PRKCE: variants seen among roughly 807,000 people sequenced by gnomAD.
The protein encoded by PRKCE is protein kinase C epsilon type.
Under a neutral mutation model 85.4 loss-of-function variants are expected in PRKCE, and 16 were observed. That is an observed-to-expected ratio of 0.19 (90% confidence interval 0.13 to 0.28). PRKCE has a LOEUF of 0.28. PRKCE is among the 10% of genes least tolerant of loss of function. The pLI is 1.00. For synonymous variants in PRKCE, 388 were observed against 371.5 expected, an observed-to-expected ratio of 1.04 and a Z score of -0.51; for missense variants, 573 against 975.2, an observed-to-expected ratio of 0.59 and a Z score of 5.49.
chr2:46,169,662 T>C (rs1217330722), intron 14 of PRKCE, among the ~76,000 whole-genome samples: 1 of 152,180 alleles, frequency 6.6e-6, no homozygotes, highest in African/African-American at 2.4e-5. Flanking sequence ...AACCAGACCC[T>C]GACCTAGGAC....
intron 1 of PRKCE, among the ~76,000 whole-genome samples, chr2:45,778,210 G>A (rs1264730102): frequency 1.3e-5 from 2 of 152,172 alleles, no homozygotes; most frequent in African/African-American, 4.8e-5. Flanking sequence ...AGGTGGCAAA[G>A]TTTAGACTTT....
chr2:46,017,678 A>G (rs540952163), intron 10 of PRKCE, among the ~76,000 whole-genome samples: 1 of 152,320 alleles, frequency 6.6e-6, no homozygotes, highest in Admixed American at 6.5e-5. Flanking sequence ...ACAGTGCACC[A>G]GGGTTCTGAT....
intron 1 of PRKCE, among the ~76,000 whole-genome samples, chr2:45,769,414 T>C (rs1685145965): frequency 6.6e-6 from 1 of 152,174 alleles, no homozygotes; most frequent in Admixed American, 6.5e-5. Context: ...TATGTACATA[T>C]CTGCATCTGT....
chr2:45,794,852 C>G (rs1301499739), intron 1 of PRKCE, among the ~76,000 whole-genome samples: 4 of 151,366 alleles, frequency 2.6e-5, no homozygotes, highest in Admixed American at 6.6e-5. Context: ...CCTACCCCCC[C>G]CCCCATCCAC....
chr2:45,966,723 C>G (rs974839950), intron 2 of PRKCE, among the ~76,000 whole-genome samples: 2 of 152,094 alleles, frequency 1.3e-5, no homozygotes, highest in East Asian at 3.9e-4. Flanking sequence ...TGACAGTTTT[C>G]CCGGTCCTAA....
Position 46,185,000 on chromosome 2 carries a change from T to C in PRKCE, c.*119T>C. ...TCCTCCTCGGAGCCCCAGTCCCATGTCCACTGTCTATTTATTGCATTCCCT... is the reference window on the plus strand; with the variant it reads ...TCCTCCTCGGAGCCCCAGTCCCATGCCCACTGTCTATTTATTGCATTCCCT... On this transcript the variant is annotated 3_prime_UTR_variant, in exon 15 of 15. Coordinates refer to ENST00000306156, the MANE Select transcript of PRKCE (RefSeq NM_005400.3). This position sits in a 1 kb window ranked among gnomAD's most constrained non-coding sequence, Gnocchi z 5.0. 3 of 1,363,420 alleles carry C rather than the reference T, an allele frequency of 2.2e-6. No individual in the cohort carries two copies. Among genetic ancestry groups the C allele is most frequent in the Non-Finnish European group, 3.0e-6 (3 of 1,001,556 alleles). 84.5% of individuals were successfully genotyped at this position (1,363,420 alleles called of 1,614,324 possible).
rs181389840 is a variant in PRKCE at position 46,185,558 on chromosome 2, T to G, written c.*677T>G. ...CCTCTTTGTGGAAAAAGAAACAGGG[T>G]TTTGAACTCTGTTAACATTTGAAAA... On this transcript the variant is annotated 3_prime_UTR_variant, in exon 15 of 15. Coordinates refer to ENST00000306156, the MANE Select transcript of PRKCE (RefSeq NM_005400.3). This position sits in a 1 kb window ranked among gnomAD's most constrained non-coding sequence, Gnocchi z 4.7. 4.2e-4 allele frequency: 64 copies of G among 152,818 alleles called. No homozygotes were observed. Among genetic ancestry groups the G allele is most frequent in the African/African-American group, 1.4e-3 (57 of 41,578 alleles). 9.5% of individuals were successfully genotyped at this position (152,818 alleles called of 1,614,324 possible). A position where few individuals can be genotyped will look rare whatever the true frequency, so the allele number is the denominator to read the frequency against.
chr2:45,968,863 G>A (rs913558561), intron 2 of PRKCE, among the ~76,000 whole-genome samples: 3 of 151,844 alleles, frequency 2.0e-5, no homozygotes, highest in Non-Finnish European at 4.4e-5. Context: ...TGGTGCCAGG[G>A]GCCATCTCTC....
chr2:45,864,968 C>T (rs1028114428), intron 2 of PRKCE, among the ~76,000 whole-genome samples: 3 of 152,090 alleles, frequency 2.0e-5, no homozygotes, highest in East Asian at 1.9e-4. Flanking sequence ...GGGGTGAAGC[C>T]GAAAATTTAC....
chr2:45,732,377 C>G (rs1486456151), intron 1 of PRKCE, among the ~76,000 whole-genome samples: 2 of 152,092 alleles, frequency 1.3e-5, no homozygotes, highest in Non-Finnish European at 2.9e-5. Flanking sequence ...TATCAACTCA[C>G]AGGGCAGATT....
intron 2 of PRKCE, among the ~76,000 whole-genome samples, chr2:45,923,153 G>A (rs1260337627): frequency 2.6e-5 from 4 of 152,172 alleles, no homozygotes; most frequent in African/African-American, 4.8e-5. Context: ...TAGAGGAGTA[G>A]GCCTTGCTGA....
At chr2:45,668,509 T>C (rs559162917) in intron 1 of PRKCE, among the ~76,000 whole-genome samples, 1 of 152,330 alleles carries the variant, frequency 6.6e-6, no homozygotes, top group Non-Finnish European at 1.5e-5. Context: ...CTCAGTGGTG[T>C]GTCCTAGACG....
chr2:46,043,115 T>TC (rs5830885), intron 10 of PRKCE, among the ~76,000 whole-genome samples: 1 of 151,918 alleles, frequency 6.6e-6, no homozygotes, highest in Non-Finnish European at 1.5e-5. Flanking sequence ...TTTTTTTTTT[T>TC]CAAGGTGTTC....
chr2:46,030,384 A>C (rs1401125735), intron 10 of PRKCE, among the ~76,000 whole-genome samples: 1 of 152,170 alleles, frequency 6.6e-6, no homozygotes, highest in Non-Finnish European at 1.5e-5. Context: ...AGCTAAGTTT[A>C]AGTCTTTCCT....
chr2:45,686,854 G>C (rs1572942387), intron 1 of PRKCE, among the ~76,000 whole-genome samples: 1 of 152,100 alleles, frequency 6.6e-6, no homozygotes, highest in African/African-American at 2.4e-5. Flanking sequence ...GTCTTTGGTG[G>C]CATTTTATAT....
intron 10 of PRKCE, chr2:46,078,886 T>C (rs999084824): frequency 1.3e-5 from 2 of 152,176 alleles, no homozygotes; most frequent in Non-Finnish European, 2.9e-5. Context: ...ATAGAAAATA[T>C]AGGAGTTTCT....
intron 14 of PRKCE, among the ~76,000 whole-genome samples, chr2:46,181,814 A>T (rs985849511): frequency 6.6e-6 from 1 of 152,110 alleles, no homozygotes; most frequent in Non-Finnish European, 1.5e-5. Context: ...GGAGCTGGGG[A>T]TGATTCTGAA....
intron 11 of PRKCE, among the ~76,000 whole-genome samples, chr2:46,133,228 CT>C (rs1370207679): frequency 1.3e-5 from 2 of 152,220 alleles, no homozygotes; most frequent in Non-Finnish European, 2.9e-5. Flanking sequence ...ACTCTTGGTC[CT>C]TTAGCTGGAG....
chr2:46,094,106 TCTTGGATACATTCTTTGCCAAGC>T (rs1442662748), intron 11 of PRKCE, among the ~76,000 whole-genome samples: 1 of 152,222 alleles, frequency 6.6e-6, no homozygotes, highest in Admixed American at 6.5e-5. Flanking sequence ...AATTTCATAT[TCTTGGATACATTCTTTGCCAAGC>T]CTTGTAAACT....
Sources: allele counts gnomAD v4.1 joint callset (sites outside exome capture counted in the v4.1 genomes callset), GRCh38; gene constraint gnomAD v4.1.1; non-coding constraint Gnocchi (gnomAD v3.1); transcripts MANE v1.5; gene names NCBI Gene and HGNC (gene_info 2026-07-23, HGNC 2026-07-21).